Variants in RNF20 observed in about 807,000 individuals in gnomAD.
RNF20 encodes the protein ring finger protein 20.
RNF20 carries 84 observed loss-of-function variants against 126.2 expected under a neutral mutation model. That is an observed-to-expected ratio of 0.67 (90% CI 0.56 to 0.80). The LOEUF is 0.80. Ranked by LOEUF, RNF20 falls within the 30% of genes least tolerant of loss-of-function variation. The probability of loss-of-function intolerance (pLI) is 0.00; values close to 1 mark genes in which losing one functional copy is unlikely to be tolerated. For synonymous variants in RNF20, 400 were observed against 414.3 expected (o/e 0.97, Z 0.42); for missense variants, 869 against 1,188.2 (o/e 0.73, Z 3.95).
At chr9:101,541,005 G>C (rs778760631) in intron 5 of RNF20, 30 bp downstream of exon 5, 3 of 1,567,534 alleles carry the variant, frequency 1.9e-6, no homozygotes, top group South Asian at 1.2e-5. Flanking sequence ...GCCGGGAGTA[G>C]TGGAGGAGGA....
At chr9:101,550,477 ATAACT>A (rs954343980) in intron 9 of RNF20, 124 bp from the exon 10 acceptor site, 5 of 765,816 alleles carry the variant, frequency 6.5e-6, no homozygotes, top group African/African-American at 5.2e-5. Context: ...CAATGGGTAG[ATAACT>A]TAATAATCTT....
Position 101,544,768 on chromosome 9 carries a change from T to G in RNF20, c.630T>G (p.Asp210Glu). 6.3e-7 allele frequency: 1 copy of G among 1,579,816 alleles called. No homozygotes were observed. Among genetic ancestry groups the G allele is most frequent in the South Asian group, 1.1e-5 (1 of 90,394 alleles). The change falls in exon 6 of 20, where the codon GAT becomes GAG. Residue 210 changes from aspartate to glutamate, a missense_variant and splice_region_variant. By Grantham distance (45) the Asp-to-Glu change is conservative (BLOSUM62 2). Coordinates refer to ENST00000389120, the MANE Select transcript of RNF20 (RefSeq NM_019592.7). ...TAAAGTATAGTTCTTCTTCCCCAGA[T>G]AATCTGATAGTGGAGGAAGCAGTGC... The part of the protein sequence containing the change: ...ELLSRKLNSG[D>E]NLIVEEAVQE...
intron 9 of RNF20, among the ~76,000 whole-genome samples, chr9:101,548,890 A>G (rs1827396831): frequency 6.6e-6 from 1 of 152,228 alleles, no homozygotes; most frequent in Non-Finnish European, 1.5e-5. Context: ...AAGGGAGGCC[A>G]TTCACATGTC....
chr9:101,562,647 A>C lies in RNF20; in HGVS notation c.*225A>C. On this transcript the variant is annotated 3_prime_UTR_variant, in exon 20 of 20. Coordinates refer to ENST00000389120, the MANE Select transcript of RNF20 (RefSeq NM_019592.7). ...GTTTCAGAATGAATTAGAAACAAATAACTCTTACTGTCTTCCCTCCCAGCT... is the reference window on the plus strand; with the variant it reads ...GTTTCAGAATGAATTAGAAACAAATCACTCTTACTGTCTTCCCTCCCAGCT... The C allele has an allele frequency of 2.3e-6, 1 of 442,874 alleles. No homozygotes were observed. 27.4% of individuals were successfully genotyped at this position (442,874 alleles called of 1,614,324 possible).
chr9:101,561,808 GA>G (rs1479345398), intron 18 of RNF20, 101 bp from the exon 19 acceptor site: 2 of 808,160 alleles, frequency 2.5e-6, no homozygotes, highest in Non-Finnish European at 4.4e-6. Context: ...TAAAAGGATA[GA>G]AAGTCCCCTC....
chr9:101,559,842 A>G (rs1203655029), intron 16 of RNF20, among the ~76,000 whole-genome samples: 1 of 152,178 alleles, frequency 6.6e-6, no homozygotes, highest in Non-Finnish European at 1.5e-5. Flanking sequence ...TAATGTAATC[A>G]GCAAACAGTG....
At chr9:101,537,105 G>T (rs1287299329) in intron 2 of RNF20, among the ~76,000 whole-genome samples, 1 of 152,228 alleles carries the variant, frequency 6.6e-6, no homozygotes, top group Non-Finnish European at 1.5e-5. Flanking sequence ...AAGTGTGCTT[G>T]AAGTGGGAAC....
chr9:101,550,552 G>A (rs1827425990), intron 9 of RNF20, 54 bp from the exon 10 acceptor site: 4 of 1,493,826 alleles, frequency 2.7e-6, no homozygotes, highest in Non-Finnish European at 9.1e-7. Flanking sequence ...TTCCTGTCTA[G>A]CGTCTGGGGC....
Position 101,535,572 on chromosome 9 carries a change from T to C in RNF20, c.129+20T>C, listed in dbSNP as rs1267725833. The stretch of plus-strand genomic sequence containing the variant: ...TCAACGGTATGAGGAAACAGTGCCA[T>C]GAAAGTGTGCTTGTCTTCTGTCAGT... On this transcript the variant is annotated intron_variant, in intron 2 of 19. Coordinates refer to ENST00000389120, the MANE Select transcript of RNF20 (RefSeq NM_019592.7). 4 of 1,601,280 alleles carry C rather than the reference T, an allele frequency of 2.5e-6. No individual in the cohort carries two copies. Among genetic ancestry groups the C allele is most frequent in the Non-Finnish European group, 3.4e-6 (4 of 1,174,170 alleles).
intron 10 of RNF20, among the ~76,000 whole-genome samples, chr9:101,551,315 A>G (rs565921462): frequency 6.6e-6 from 1 of 152,356 alleles, no homozygotes; most frequent in Non-Finnish European, 1.5e-5. Flanking sequence ...TGGCACCAGT[A>G]GATGATTTTT....
In RNF20 at chr9:101,563,068, T is replaced by A. The variant is rs556457394; in HGVS notation, c.*646T>A. 39 of 152,434 alleles carry A rather than the reference T, an allele frequency of 2.6e-4. No individual in the cohort carries two copies. The highest frequency in any genetic ancestry group is 9.1e-4 in the African/African-American group (38 of 41,590). 9.4% of individuals were successfully genotyped at this position (152,434 alleles called of 1,614,324 possible). On this transcript the variant is annotated 3_prime_UTR_variant, in exon 20 of 20. Coordinates refer to ENST00000389120, the MANE Select transcript of RNF20 (RefSeq NM_019592.7). ...GTTTTGAATGCTCTACTACTTCAAG[T>A]CTTTAAATTTCTTGAGACTAGAATA... is the stretch of plus-strand genomic sequence containing the variant.
At chr9:101,556,344 A>G (rs1827529889) in intron 15 of RNF20, among the ~76,000 whole-genome samples, 1 of 152,198 alleles carries the variant, frequency 6.6e-6, no homozygotes, top group Admixed American at 6.5e-5. Flanking sequence ...GCTTGGGACT[A>G]CTAGACAGGC....
At chr9:101,541,514 CTA>C (rs1340056861) in intron 5 of RNF20, among the ~76,000 whole-genome samples, 3 of 152,170 alleles carry the variant, frequency 2.0e-5, no homozygotes, top group African/African-American at 7.2e-5. Flanking sequence ...TTTATCAGCT[CTA>C]TACTGATATA....
intron 9 of RNF20, 57 bp downstream of exon 9, chr9:101,547,575 T>A: frequency 6.3e-7 from 1 of 1,595,404 alleles, no homozygotes; most frequent in East Asian, 2.2e-5. Flanking sequence ...TCAACTCACG[T>A]ATATACATAG....
intron 2 of RNF20, among the ~76,000 whole-genome samples, chr9:101,537,090 C>G (rs930395189): frequency 2.3e-4 from 35 of 152,276 alleles, no homozygotes; most frequent in African/African-American, 8.2e-4. Flanking sequence ...AAAACTGAGT[C>G]TCCAAAGTGT....
Position 101,550,741 on chromosome 9 carries a change from C to T in RNF20, c.1228C>T (p.His410Tyr). The T allele has an allele frequency of 6.2e-7, 1 of 1,614,210 alleles. No individual in the cohort carries two copies. The highest frequency in any genetic ancestry group is 8.5e-7 in the Non-Finnish European group (1 of 1,180,020). The change falls in exon 10 of 20, where the codon CAT becomes TAT. Residue 410 changes from histidine (H) to tyrosine (Y), a missense_variant. Physicochemically the swap from His to Tyr is moderately conservative, Grantham distance 83. Transcript: ENST00000389120. ...CTTGGATGAGGCTCGGACCCTGCTT[C>T]ATGGCACCAGAGGAACCCACCAGCA... Reference protein sequence around the residue: ...AHLDEARTLLHGTRGTHQHQV... With the variant: ...AHLDEARTLLYGTRGTHQHQV...
rs1345249099 is a variant in RNF20 at position 101,552,557 on chromosome 9, CGAGAACGAGAAAGGAGG to C, written c.1711_1727del (p.Arg571GlyfsTer32). The C allele has an allele frequency of 2.5e-6, 4 of 1,611,298 alleles. No individual in the cohort carries two copies. The highest frequency in any genetic ancestry group is 3.4e-6 in the Non-Finnish European group (4 of 1,178,384). On this transcript the variant is annotated frameshift_variant, in exon 13 of 20. Coordinates refer to ENST00000389120, the MANE Select transcript of RNF20 (RefSeq NM_019592.7). LOFTEE classifies it high-confidence loss of function. ...CAAGTCTAAACGGGATGAAGAAGAACGAGAACGAGAAAGGAGGGAGAAGGAGAGGGAACGAGAAAGAG... is the reference window on the plus strand; with the variant it reads ...CAAGTCTAAACGGGATGAAGAAGAACGAGAAGGAGAGGGAACGAGAAAGAG...
intron 15 of RNF20, among the ~76,000 whole-genome samples, chr9:101,556,660 C>T (rs989677792): frequency 7.2e-5 from 11 of 151,846 alleles, no homozygotes; most frequent in African/African-American, 2.2e-4. Context: ...AAAACATGAA[C>T]AAAAAATTGA....
At chr9:101,544,950 C>A in intron 6 of RNF20, 65 bp downstream of exon 6, 2 of 985,420 alleles carry the variant, frequency 2.0e-6, no homozygotes, top group Non-Finnish European at 3.3e-6. Flanking sequence ...ACTTACAATT[C>A]TGAGCACCTC....
Sources: gnomAD v4.1 joint callset for allele counts (sites outside exome capture counted in the v4.1 genomes callset) on GRCh38, gnomAD v4.1.1 for gene constraint, MANE v1.5 for transcripts, NCBI Gene and HGNC (gene_info 2026-07-23, HGNC 2026-07-21) for gene names.